The following EPHA7 variants were observed in gnomAD, a reference collection of about 807,000 sequenced individuals.
The protein encoded by EPHA7 is EPH receptor A7.
EPHA7 carries 25 observed loss-of-function variants against 112.6 expected under a neutral mutation model. The observed-to-expected ratio is 0.22, with a 90% CI of 0.16 to 0.31. The LOEUF (loss-of-function observed/expected upper bound fraction) is 0.31. Ranked by LOEUF, EPHA7 falls within the 10% of genes least tolerant of loss-of-function variation. The probability of loss-of-function intolerance (pLI) is 1.00; values close to 1 mark genes in which losing one functional copy is unlikely to be tolerated. For missense variants in EPHA7, 962 were observed against 1,212.6 expected (o/e 0.79, Z 3.07); for synonymous variants, 437 against 406.5 (o/e 1.07, Z -0.90).
intron 3 of EPHA7, among the ~76,000 whole-genome samples, chr6:93,399,728 A>G (rs1017664402): frequency 8.6e-5 from 13 of 151,796 alleles, no homozygotes; most frequent in African/African-American, 2.9e-4. Flanking sequence ...GTGCTTTTGG[A>G]TATCTGTGGT....
chr6:93,328,728 G>A (rs896571127), intron 5 of EPHA7, among the ~76,000 whole-genome samples: 1 of 151,276 alleles, frequency 6.6e-6, no homozygotes, highest in Non-Finnish European at 1.5e-5. Flanking sequence ...ATTCTCATTA[G>A]CGAATTCTCA....
At chr6:93,387,137 T>G (rs1368549523) in intron 3 of EPHA7, among the ~76,000 whole-genome samples, 3 of 152,120 alleles carry the variant, frequency 2.0e-5, no homozygotes, top group African/African-American at 7.2e-5. Context: ...AGGCTGCAAA[T>G]TTTCCAAACT....
intron 5 of EPHA7, among the ~76,000 whole-genome samples, chr6:93,350,372 T>A (rs1477014229): frequency 6.6e-6 from 1 of 152,018 alleles, no homozygotes; most frequent in Admixed American, 6.6e-5. Flanking sequence ...GCATAAACAA[T>A]AATTTTGAGG....
intron 5 of EPHA7, among the ~76,000 whole-genome samples, chr6:93,317,488 A>T (rs539173038): frequency 7.9e-5 from 12 of 152,150 alleles, no homozygotes; most frequent in Non-Finnish European, 1.5e-4. Context: ...GCCATGGTTA[A>T]TTCTCAGATA....
chr6:93,267,132 T>C (rs1185233317), intron 7 of EPHA7, among the ~76,000 whole-genome samples: 1 of 151,800 alleles, frequency 6.6e-6, no homozygotes, highest in Non-Finnish European at 1.5e-5. Context: ...CCATTTTAAT[T>C]TCTAATTTGG....
At chr6:93,260,805 G>A (rs1770653060) in intron 9 of EPHA7, 5 of 884,562 alleles carry the variant, frequency 5.7e-6, no homozygotes, top group Admixed American at 6.3e-5. Context: ...AAAACAACAC[G>A]AGAAGAAAAG....
intron 3 of EPHA7, among the ~76,000 whole-genome samples, chr6:93,401,129 A>T (rs1291335741): frequency 2.0e-5 from 3 of 152,090 alleles, no homozygotes; most frequent in Admixed American, 2.0e-4. Flanking sequence ...TAAACACAGT[A>T]TGTGTCCTTT....
chr6:93,343,967 T>C (rs1775265368), intron 5 of EPHA7, among the ~76,000 whole-genome samples: 1 of 151,670 alleles, frequency 6.6e-6, no homozygotes, highest in Admixed American at 6.6e-5. Context: ...TGTCTAAAAA[T>C]AAAAGATTTA....
intron 5 of EPHA7, among the ~76,000 whole-genome samples, chr6:93,276,597 G>A (rs987392179): frequency 1.3e-5 from 2 of 152,148 alleles, no homozygotes; most frequent in Non-Finnish European, 2.9e-5. Context: ...ACTGTTTGTG[G>A]TAATCTGTTA....
At position 93,389,863 on chromosome 6, in the gene EPHA7, A is replaced by C. The variant is rs570643718; in HGVS notation, c.832+20638T>G. Among the ~76,000 whole-genome samples, 9 of 152,120 alleles carry C rather than the reference A, an allele frequency of 5.9e-5. No homozygotes were observed. In the South Asian group the frequency reaches 1.9e-3, roughly 32 times the overall value. ...ACTTTCTTACAGAATAAAACAATAAATACAGAAGGAATAAGATACACAAAA... is the reference window on the plus strand; with the variant it reads ...ACTTTCTTACAGAATAAAACAATAACTACAGAAGGAATAAGATACACAAAA... On this transcript the variant is annotated intron_variant, in intron 3 of 16. Transcript: ENST00000369303.
chr6:93,334,665 G>T (rs1293313995), intron 5 of EPHA7, among the ~76,000 whole-genome samples: 1 of 152,016 alleles, frequency 6.6e-6, no homozygotes, highest in Non-Finnish European at 1.5e-5. Context: ...AGCACATTAA[G>T]GTGTTAGCAT....
chr6:93,278,846 A>G (rs912576160), intron 5 of EPHA7, among the ~76,000 whole-genome samples: 1 of 151,984 alleles, frequency 6.6e-6, no homozygotes, highest in Non-Finnish European at 1.5e-5. Context: ...ATATACTGCA[A>G]AATTCTAGGC....
intron 3 of EPHA7, among the ~76,000 whole-genome samples, chr6:93,371,150 T>A (rs1471369690): frequency 3.4e-5 from 5 of 148,610 alleles, no homozygotes; most frequent in Admixed American, 2.0e-4. Context: ...GGCGACAGAG[T>A]GAGACTCTGT....
chr6:93,311,584 G>A (rs1388656392), intron 5 of EPHA7, among the ~76,000 whole-genome samples: 2 of 152,058 alleles, frequency 1.3e-5, no homozygotes, highest in Non-Finnish European at 2.9e-5. Flanking sequence ...TTCTTCAACT[G>A]AAGTCTTGAA....
At chr6:93,323,651 G>C (rs1432663179) in intron 5 of EPHA7, among the ~76,000 whole-genome samples, 1 of 151,238 alleles carries the variant, frequency 6.6e-6, no homozygotes. Context: ...ATTCCATCTG[G>C]ATTAAAATGT....
At chr6:93,373,710 TG>T (rs1458122764) in intron 3 of EPHA7, among the ~76,000 whole-genome samples, 1 of 152,110 alleles carries the variant, frequency 6.6e-6, no homozygotes, top group Non-Finnish European at 1.5e-5. Context: ...AAGCTATTTC[TG>T]TAGAATGACA....
chr6:93,360,518 G>A (rs980597149), intron 3 of EPHA7, among the ~76,000 whole-genome samples: 1 of 152,012 alleles, frequency 6.6e-6, no homozygotes, highest in Non-Finnish European at 1.5e-5. Flanking sequence ...GTTATGGGGG[G>A]ACAATGGCAA....
chr6:93,343,837 G>A (rs1204385354), intron 5 of EPHA7, among the ~76,000 whole-genome samples: 2 of 151,638 alleles, frequency 1.3e-5, no homozygotes, highest in Admixed American at 1.3e-4. Flanking sequence ...TAACACCAGT[G>A]TTTAATGCAG....
intron 5 of EPHA7, among the ~76,000 whole-genome samples, chr6:93,279,605 A>G (rs1771634554): frequency 6.6e-6 from 1 of 152,126 alleles, no homozygotes; most frequent in Non-Finnish European, 1.5e-5. Flanking sequence ...AAAGAAAATG[A>G]GCAATTTATT....
Sources: allele counts gnomAD v4.1 joint callset (sites outside exome capture counted in the v4.1 genomes callset), GRCh38; gene constraint gnomAD v4.1.1; transcripts MANE v1.5; gene names NCBI Gene and HGNC (gene_info 2026-07-23, HGNC 2026-07-21).